CCDC150: variants seen among roughly 807,000 people sequenced by gnomAD.
CCDC150 encodes the protein coiled-coil domain containing 150, also known as coiled-coil domain-containing protein 150.
A neutral mutation model predicts 156.5 loss-of-function variants in CCDC150; 151 were observed. That is an observed-to-expected ratio of 0.97 (90% CI 0.85 to 1.10). The LOEUF (loss-of-function observed/expected upper bound fraction) is 1.10. Among genes scored for constraint, CCDC150 ranks in the 50% least tolerant of loss-of-function variants. CCDC150 has a pLI of 0.00. For synonymous variants in CCDC150, 452 were observed against 429.4 expected, an observed-to-expected ratio of 1.05 and a Z score of -0.65; for missense variants, 1,312 against 1,268.1, an observed-to-expected ratio of 1.03 and a Z score of -0.53.
chr2:196,666,721 G>A lies in CCDC150; in HGVS notation c.765G>A (p.Val255=). The A allele has an allele frequency of 6.3e-7, 1 of 1,596,708 alleles. No individual in the cohort carries two copies. The highest frequency in any genetic ancestry group is 8.5e-7 in the Non-Finnish European group (1 of 1,173,516). Residue 255 remains valine (V), a splice_region_variant and synonymous_variant, in exon 7 of 28, where the codon GTG becomes GTA. Transcript: ENST00000389175. ...GSTVEVERKQ[V]HILQQNCIAL... ...GAGTTTTTCTTATACAATTTCAGGT[G>A]CACATTTTGCAGCAAAACTGCATTG...
chr2:196,657,791 G>T (rs1416299757), intron 4 of CCDC150, among the ~76,000 whole-genome samples: 1 of 152,246 alleles, frequency 6.6e-6, no homozygotes, highest in African/African-American at 2.4e-5. Flanking sequence ...TGTGAAGTAG[G>T]ATATTATTAT....
At chr2:196,646,246 A>G in intron 1 of CCDC150, 95 bp from the exon 2 acceptor site, 1 of 1,149,078 alleles carries the variant, frequency 8.7e-7, no homozygotes, top group Admixed American at 1.8e-5. Context: ...TGAGTTCAAC[A>G]GGACAGTGAT....
At chr2:196,730,811 C>A in intron 25 of CCDC150, 48 bp from the exon 26 acceptor site, 1 of 1,416,676 alleles carries the variant, frequency 7.1e-7, no homozygotes, top group South Asian at 1.3e-5. Context: ...CATTTGGTTT[C>A]TTATGGTATG....
Position 196,639,731 on chromosome 2 carries a change from G to T in CCDC150, c.-36G>T, listed in dbSNP as rs1212504662. ...TGCTGTGTTAGTTCCACGGAAACCC[G>T]CTCGCCTGCTGCAGTACGGAGCCTC... On this transcript the variant is annotated 5_prime_UTR_variant, in exon 1 of 28. Coordinates refer to ENST00000389175, the MANE Select transcript of CCDC150 (RefSeq NM_001080539.2). The T allele has an allele frequency of 2.6e-6, 4 of 1,529,910 alleles. No individual in the cohort carries two copies. The South Asian group carries it at 3.8e-5, about 15-fold the overall frequency. 94.8% of individuals were successfully genotyped at this position (1,529,910 alleles called of 1,614,324 possible). A position where few individuals can be genotyped will look rare whatever the true frequency, so the allele number is the denominator to read the frequency against.
At chr2:196,728,703 C>G (rs1026495883) in intron 22 of CCDC150, among the ~76,000 whole-genome samples, 2 of 152,144 alleles carry the variant, frequency 1.3e-5, no homozygotes, top group African/African-American at 2.4e-5. Flanking sequence ...CATGAGGTTG[C>G]AAGTGACAGA....
At chr2:196,649,576 A>G (rs993307666) in intron 2 of CCDC150, among the ~76,000 whole-genome samples, 1 of 152,186 alleles carries the variant, frequency 6.6e-6, no homozygotes, top group African/African-American at 2.4e-5. Context: ...AATATACTCT[A>G]TGATGTTCGT....
rs183078940 is a variant in CCDC150, at chr2:196,673,149, G to A, written c.1029+712G>A. Reference sequence around the variant, plus strand: ...TATTACTCTTTCTATACTAATAGTAGGTAACATTTTTACTGAGCCCCTTCT... The same window carrying A: ...TATTACTCTTTCTATACTAATAGTAAGTAACATTTTTACTGAGCCCCTTCT... On this transcript the variant is annotated intron_variant, in intron 9 of 27. Transcript: ENST00000389175. Among the ~76,000 whole-genome samples, 39 of 152,190 alleles carry A rather than the reference G, an allele frequency of 2.6e-4. No individual in the cohort carries two copies. The East Asian group carries it at 7.3e-3, about 29-fold the overall frequency.
intron 13 of CCDC150, among the ~76,000 whole-genome samples, chr2:196,682,792 T>C (rs940598232): frequency 1.3e-5 from 2 of 152,006 alleles, no homozygotes; most frequent in African/African-American, 4.8e-5. Context: ...TCAATGACAG[T>C]GAGGACTACT....
At chr2:196,680,674 T>C (rs1694764412) in intron 13 of CCDC150, among the ~76,000 whole-genome samples, 1 of 152,198 alleles carries the variant, frequency 6.6e-6, no homozygotes, top group South Asian at 2.1e-4. Flanking sequence ...TTAATGATTC[T>C]GTGAGCATTC....
chr2:196,649,975 T>G (rs1692779039), intron 2 of CCDC150, among the ~76,000 whole-genome samples: 1 of 152,226 alleles, frequency 6.6e-6, no homozygotes, highest in Non-Finnish European at 1.5e-5. Context: ...CTTTCCTGTT[T>G]GGATTTCTTT....
At chr2:196,700,962 A>C (rs1215050390) in intron 14 of CCDC150, 147 bp from the exon 15 acceptor site, 2 of 600,170 alleles carry the variant, frequency 3.3e-6, no homozygotes, top group African/African-American at 1.9e-5. Flanking sequence ...ACTATGTAGG[A>C]AAAGACTAAA....
At position 196,720,673 on chromosome 2, in the gene CCDC150, G is replaced by A. The variant is rs2125706112; in HGVS notation, c.2259+5G>A. 1 of 1,609,630 alleles carries A rather than the reference G, an allele frequency of 6.2e-7. No homozygotes were observed. The highest frequency in any genetic ancestry group is 8.5e-7 in the Non-Finnish European group (1 of 1,178,236). On this transcript the variant is annotated splice_donor_5th_base_variant and intron_variant, in intron 20 of 27. Coordinates refer to ENST00000389175, the MANE Select transcript of CCDC150 (RefSeq NM_001080539.2). ...GAGGACCAGCACAACAGTGAGGTTG[G>A]AGCCAGGCTTTAAAAAATGATAACA...
At chr2:196,720,690 A>T (rs1440987363) in intron 20 of CCDC150, 22 bp downstream of exon 20, 1 of 1,591,102 alleles carries the variant, frequency 6.3e-7, no homozygotes, top group Admixed American at 1.7e-5. Context: ...GCTTTAAAAA[A>T]TGATAACATT....
chr2:196,728,752 G>A lies in CCDC150; in HGVS notation c.2557-441G>A, dbSNP rs982387503. Among the ~76,000 whole-genome samples, 14 of 152,280 alleles carry A rather than the reference G, an allele frequency of 9.2e-5. No homozygotes were observed. The East Asian group carries it at 2.7e-3, about 29-fold the overall frequency. ...CATGATAATCACAGAGTAATTGTGT[G>A]TGCCAGCCTCTACTTCTTTCTTTAT... On this transcript the variant is annotated intron_variant, in intron 22 of 27. Coordinates refer to ENST00000389175, the MANE Select transcript of CCDC150 (RefSeq NM_001080539.2).
chr2:196,717,628 G>A (rs57670233), intron 17 of CCDC150, among the ~76,000 whole-genome samples: 13,916 of 152,058 alleles, frequency 0.092, 798 homozygotes, highest in African/African-American at 0.17. Flanking sequence ...GTGGTTTCTC[G>A]CGCCTGTAAC....
In CCDC150 at chr2:196,669,854, C is replaced by G; in HGVS notation, c.914C>G (p.Ser305Cys). The change falls in exon 8 of 28, where the codon TCC becomes TGC. Residue 305 changes from serine to cysteine, a missense_variant. Ser to Cys is a moderately radical substitution (Grantham distance 112). Coordinates refer to ENST00000389175, the MANE Select transcript of CCDC150 (RefSeq NM_001080539.2). The stretch of plus-strand genomic sequence containing the variant: ...TTAGCTTCTAGAGATGACCTCATTT[C>G]CAAGTTGGTTGAAGAAAATAAGGTG... ...SDLTSRDDLI[S>C]KLVEENKNLQ... is the part of the protein sequence containing the mutation. The G allele has an allele frequency of 6.2e-7, 1 of 1,611,172 alleles. No individual in the cohort carries two copies.
At chr2:196,677,062 C>T in intron 12 of CCDC150, 1 of 687,608 alleles carries the variant, frequency 1.5e-6, no homozygotes, top group South Asian at 1.5e-5. Context: ...TGTCTTCCTA[C>T]TTAGGAAGGA....
intron 7 of CCDC150, 116 bp downstream of exon 7, chr2:196,666,964 C>A: frequency 1.8e-6 from 2 of 1,086,508 alleles, no homozygotes; most frequent in Non-Finnish European, 2.8e-6. Flanking sequence ...TCCCACAGTG[C>A]TGTATGTAAA....
At chr2:196,655,257 G>A (rs1693119456) in intron 2 of CCDC150, among the ~76,000 whole-genome samples, 1 of 152,188 alleles carries the variant, frequency 6.6e-6, no homozygotes. Context: ...CTGGGAGTGG[G>A]CCCGTTTTAT....
Sources: gnomAD v4.1 joint callset for allele counts (sites outside exome capture counted in the v4.1 genomes callset) on GRCh38, gnomAD v4.1.1 for gene constraint, MANE v1.5 for transcripts, NCBI Gene and HGNC (gene_info 2026-07-23, HGNC 2026-07-21) for gene names.